The following PGLYRP2 variants were observed in gnomAD, a reference collection of about 807,000 sequenced individuals.
PGLYRP2 encodes the protein N-acetylmuramoyl-L-alanine amidase.
PGLYRP2 carries 38 observed loss-of-function variants against 46.2 expected under a neutral mutation model. That is an observed-to-expected ratio of 0.82 (90% CI 0.64 to 1.08). The LOEUF (loss-of-function observed/expected upper bound fraction) is 1.08. Among genes scored for constraint, PGLYRP2 ranks in the 50% least tolerant of loss-of-function variants. The pLI is 0.00. For synonymous variants in PGLYRP2, 289 were observed against 329.4 expected, an observed-to-expected ratio of 0.88 and a Z score of 1.33; for missense variants, 713 against 755.9, an observed-to-expected ratio of 0.94 and a Z score of 0.67.
At chr19:15,470,067 T>C in intron 3 of PGLYRP2, 138 bp from the exon 4 acceptor site, 1 of 897,352 alleles carries the variant, frequency 1.1e-6, no homozygotes, top group Non-Finnish European at 1.5e-6. Flanking sequence ...CTGTGTCCCA[T>C]CCAGCTCTGT....
intron 1 of PGLYRP2, among the ~76,000 whole-genome samples, chr19:15,477,298 C>T (rs1263304177): frequency 1.3e-5 from 2 of 148,588 alleles, no homozygotes; most frequent in African/African-American, 2.5e-5. Flanking sequence ...GAGGCTGAGA[C>T]GGGAGAATCA....
intron 3 of PGLYRP2, among the ~76,000 whole-genome samples, chr19:15,471,067 G>A (rs1970744020): frequency 7.1e-6 from 1 of 141,058 alleles, no homozygotes; most frequent in Admixed American, 7.0e-5. Context: ...AGCCTGCCGA[G>A]TAGCTGGGAC....
intron 1 of PGLYRP2, among the ~76,000 whole-genome samples, chr19:15,478,996 T>C (rs1433245386): frequency 6.6e-6 from 1 of 152,138 alleles, no homozygotes; most frequent in East Asian, 1.9e-4. Flanking sequence ...ACCTAACCTG[T>C]GTAGCTTTGC....
chr19:15,475,600 C>T lies in PGLYRP2; in HGVS notation c.1070G>A (p.Ser357Asn), dbSNP rs746131558. 7 of 1,613,806 alleles carry T rather than the reference C, an allele frequency of 4.3e-6. No individual in the cohort carries two copies. The Admixed American group carries it at 1.0e-4, about 23-fold the overall frequency. The part of the protein sequence containing the change: ...EPVHLQLQCM[S>N]QEQLAQVAAN... ...AGCCACCTGGGCCAGCTGTTCTTGG[C>T]TCATGCACTGAAGCTGGAGGTGTAC... The change falls in exon 2 of 5, where the codon AGC (serine) becomes AAC (asparagine). Residue 357 changes from serine to asparagine, a missense_variant. By Grantham distance (46) the Ser-to-Asn change is conservative. Transcript: ENST00000340880.
chr19:15,475,369 A>T (rs374443111), intron 2 of PGLYRP2, among the ~76,000 whole-genome samples, 169 bp downstream of exon 2: 3 of 152,320 alleles, frequency 2.0e-5, no homozygotes, highest in African/African-American at 7.2e-5. Context: ...TCATCCTTCA[A>T]GGCCCAACTC....
Position 15,469,960 on chromosome 19 carries a change from G to T in PGLYRP2, c.1344-31C>A. ...GAGGGGAGGGAGAAGCAAGCACCAT[G>T]CGGCGTGAGGGGGACCCGGGCCCTT... On this transcript the variant is annotated intron_variant, in intron 3 of 4. Coordinates refer to ENST00000340880, the MANE Select transcript of PGLYRP2 (RefSeq NM_052890.4). This position sits in a 1 kb window ranked among gnomAD's most constrained non-coding sequence, Gnocchi z 4.9. 7.2e-7 allele frequency: 1 copy of T among 1,392,258 alleles called. No individual in the cohort carries two copies. Among genetic ancestry groups the T allele is most frequent in the Non-Finnish European group, 9.3e-7 (1 of 1,076,734 alleles). 86.2% of individuals were successfully genotyped at this position (1,392,258 alleles called of 1,614,324 possible).
At position 15,479,367 on chromosome 19, in the gene PGLYRP2, G is replaced by A. The variant is rs1330961569; in HGVS notation, c.5C>T (p.Ala2Val). 3 of 1,613,876 alleles carry A rather than the reference G, an allele frequency of 1.9e-6. No individual in the cohort carries two copies. The highest frequency in any genetic ancestry group is 1.7e-6 in the Non-Finnish European group (2 of 1,179,954). M[A>V]QGVLWILLGL... ...GAGTAGGATCCAGAGGACACCCTGG[G>A]CCATTGTTGCAGGATTCCAGCTTCC... The change falls in exon 1 of 5, where the codon GCC (alanine) becomes GTC (valine). Residue 2 changes from alanine to valine, a missense_variant. Coordinates refer to ENST00000340880, the MANE Select transcript of PGLYRP2 (RefSeq NM_052890.4).
chr19:15,469,644 C>A lies in PGLYRP2; in HGVS notation c.1629G>T (p.Pro543=). Residue 543 remains proline (P), a synonymous_variant, in exon 4 of 5, where the codon CCG becomes CCT. Coordinates refer to ENST00000340880, the MANE Select transcript of PGLYRP2 (RefSeq NM_052890.4). The surrounding 1 kb of genome is among the most constrained non-coding windows in gnomAD (Gnocchi z 4.9). ...TGCGAAGACTCACCGCGGTGAAGTG[C>A]GGCCAGGTGCGCAGCAGGTCGAAGA... The part of the protein sequence containing the change: ...DALFDLLRTW[P]HFTATVKPRP... 1 of 1,569,896 alleles carries A rather than the reference C, an allele frequency of 6.4e-7. No individual in the cohort carries two copies.
Position 15,475,669 on chromosome 19 carries a change from T to G in PGLYRP2, c.1001A>C (p.Gln334Pro), listed in dbSNP as rs921391213. 6.2e-7 allele frequency: 1 copy of G among 1,614,182 alleles called. No individual in the cohort carries two copies. Among genetic ancestry groups the G allele is most frequent in the Non-Finnish European group, 8.5e-7 (1 of 1,180,024 alleles). Reference sequence around the variant, plus strand: ...AAGGACAAGGGTTCCCCACACCTGCTGGGCCAGGATGGAGGCTGAAGTCAG... The same window carrying G: ...AAGGACAAGGGTTCCCCACACCTGCGGGGCCAGGATGGAGGCTGAAGTCAG... ...AALTSASILA[Q>P]QVWGTLVLLQ... The change falls in exon 2 of 5, where the codon CAG becomes CCG. Residue 334 changes from glutamine (Q) to proline (P), a missense_variant. Gln to Pro is a moderately conservative substitution (Grantham distance 76, BLOSUM62 -1). Transcript: ENST00000340880.
Position 15,479,288 on chromosome 19 carries a change from CAGG to C in PGLYRP2, c.61+20_61+22del, listed in dbSNP as rs1568343206. 2 of 1,613,882 alleles carry C rather than the reference CAGG, an allele frequency of 1.2e-6. No individual in the cohort carries two copies. The highest frequency in any genetic ancestry group is 4.5e-5 in the East Asian group (2 of 44,872). ...TCTGCAGAGCCAAGAGGTTTGGTCC[CAGG>C]ACTCTGCCCCCTGACTCACCTGTCC... On this transcript the variant is annotated intron_variant, in intron 1 of 4. Transcript: ENST00000340880.
At chr19:15,478,891 G>C (rs906365039) in intron 1 of PGLYRP2, among the ~76,000 whole-genome samples, 2 of 152,038 alleles carry the variant, frequency 1.3e-5, no homozygotes, top group African/African-American at 4.8e-5. Flanking sequence ...CAAAGTGCTG[G>C]GATTACAGGC....
chr19:15,477,764 C>G (rs1029523690), intron 1 of PGLYRP2, among the ~76,000 whole-genome samples: 2 of 80,970 alleles, frequency 2.5e-5, no homozygotes, highest in African/African-American at 4.0e-5. Flanking sequence ...GCCTGGGAGG[C>G]AGGGGGAAGA....
intron 2 of PGLYRP2, among the ~76,000 whole-genome samples, chr19:15,473,935 A>C (rs1970772923): frequency 1.3e-5 from 2 of 152,224 alleles, no homozygotes; most frequent in African/African-American, 4.8e-5. Context: ...AGATATACAC[A>C]TGGCCAATAG....
At position 15,469,440 on chromosome 19, in the gene PGLYRP2, A is replaced by G; in HGVS notation, c.1641+192T>C. 1 of 819,836 alleles carries G rather than the reference A, an allele frequency of 1.2e-6. No individual in the cohort carries two copies. Among genetic ancestry groups the G allele is most frequent in the Non-Finnish European group, 2.0e-6 (1 of 491,158 alleles). 50.8% of individuals were successfully genotyped at this position (819,836 alleles called of 1,614,324 possible). On this transcript the variant is annotated intron_variant, in intron 4 of 4. Coordinates refer to ENST00000340880, the MANE Select transcript of PGLYRP2 (RefSeq NM_052890.4). This position sits in a 1 kb window ranked among gnomAD's most constrained non-coding sequence, Gnocchi z 4.9. ...AGGCTGCATAGGCAGAAGTCACAGG[A>G]TCAGGGATGTTGCCCGCAGAGTGAC...
intron 1 of PGLYRP2, among the ~76,000 whole-genome samples, chr19:15,478,571 G>A (rs1970818196): frequency 6.6e-6 from 1 of 151,764 alleles, no homozygotes; most frequent in Non-Finnish European, 1.5e-5. Context: ...GCACAGAGAG[G>A]TTAAGTTACC....
At chr19:15,478,630 GTTT>G (rs1165681147) in intron 1 of PGLYRP2, among the ~76,000 whole-genome samples, 4 of 128,180 alleles carry the variant, frequency 3.1e-5, no homozygotes, top group Admixed American at 8.0e-5. Flanking sequence ...ATTTGCCTTT[GTTT>G]TTTTTTTTTT....
At position 15,476,528 on chromosome 19, in the gene PGLYRP2, G is replaced by A. The variant is rs776528375; in HGVS notation, c.142C>T (p.His48Tyr). Residue 48 changes from histidine (H) to tyrosine (Y), a missense_variant, in exon 2 of 5, where the codon CAC becomes TAC. By Grantham distance (83) the His-to-Tyr change is moderately conservative. Transcript: ENST00000340880. ...GACATCAGCCACGCAGAAGCTGTGT[G>A]TCTGGTCTTGGCAGCTGGCACTTTC... Reference protein sequence around the residue: ...EQKVPAAKTRHTASAWLMSAP... With the variant: ...EQKVPAAKTRYTASAWLMSAP... 6.2e-7 allele frequency: 1 copy of A among 1,614,062 alleles called. No individual in the cohort carries two copies. Among genetic ancestry groups the A allele is most frequent in the Non-Finnish European group, 8.5e-7 (1 of 1,179,982 alleles).
rs779772632 is a variant in PGLYRP2, at chr19:15,469,668, G to C, written c.1605C>G (p.Leu535=). The change falls in exon 4 of 5, where the codon CTC becomes CTG. Residue 535 remains leucine, a synonymous_variant. Transcript: ENST00000340880. The surrounding 1 kb of genome is among the most constrained non-coding windows in gnomAD (Gnocchi z 4.9). ...LVRTDCPGDA[L]FDLLRTWPHF... ...GCGGCCAGGTGCGCAGCAGGTCGAAGAGCGCGTCGCCGGGGCAGTCGGTGC... is the reference window on the plus strand; with the variant it reads ...GCGGCCAGGTGCGCAGCAGGTCGAACAGCGCGTCGCCGGGGCAGTCGGTGC... 1.4e-5 allele frequency: 21 copies of C among 1,552,094 alleles called. No individual in the cohort carries two copies. Among genetic ancestry groups the C allele is most frequent in the Admixed American group, 3.6e-5 (2 of 55,352 alleles).
chr19:15,469,448 T>G lies in PGLYRP2; in HGVS notation c.1641+184A>C. ...TAGGCAGAAGTCACAGGATCAGGGA[T>G]GTTGCCCGCAGAGTGACCCGCAAAG... On this transcript the variant is annotated intron_variant, in intron 4 of 4. Coordinates refer to ENST00000340880, the MANE Select transcript of PGLYRP2 (RefSeq NM_052890.4). The surrounding 1 kb of genome is among the most constrained non-coding windows in gnomAD (Gnocchi z 4.9). 2.4e-6 allele frequency: 2 copies of G among 842,292 alleles called. No individual in the cohort carries two copies. Among genetic ancestry groups the G allele is most frequent in the Non-Finnish European group, 3.9e-6 (2 of 511,650 alleles). The allele number at this position is 842,292 out of a possible 1,614,324, so 52.2% of individuals were successfully genotyped here.
Sources: allele counts gnomAD v4.1 joint callset (sites outside exome capture counted in the v4.1 genomes callset), GRCh38; gene constraint gnomAD v4.1.1; non-coding constraint Gnocchi (gnomAD v3.1); transcripts MANE v1.5; gene names NCBI Gene and HGNC (gene_info 2026-07-23, HGNC 2026-07-21).